ABHD17C: variants seen among roughly 807,000 people sequenced by gnomAD.
The protein encoded by ABHD17C is alpha/beta hydrolase domain-containing protein 17C.
ABHD17C carries 11 observed loss-of-function variants against 27.9 expected under a neutral mutation model. The observed-to-expected ratio is 0.39, with a 90% CI of 0.25 to 0.65. The LOEUF (loss-of-function observed/expected upper bound fraction) is 0.65. ABHD17C is among the 30% of genes least tolerant of loss of function. The pLI is 0.45. For synonymous variants in ABHD17C, 233 were observed against 209.1 expected (o/e 1.11, Z -0.98); for missense variants, 280 against 470.2 (o/e 0.60, Z 3.74).
chr15:80,737,136 A>T (rs933076764), intron 1 of ABHD17C, among the ~76,000 whole-genome samples: 1 of 152,208 alleles, frequency 6.6e-6, no homozygotes, highest in Non-Finnish European at 1.5e-5. Flanking sequence ...GGAGAGGCTG[A>T]GAGCAAAAAC....
At chr15:80,725,095 A>G (rs1313282559) in intron 1 of ABHD17C, among the ~76,000 whole-genome samples, 1 of 152,224 alleles carries the variant, frequency 6.6e-6, no homozygotes, top group African/African-American at 2.4e-5. Context: ...CAGTGTGCCT[A>G]ACCAACACGA....
At chr15:80,700,982 T>C (rs1413417236) in intron 1 of ABHD17C, among the ~76,000 whole-genome samples, 2 of 152,228 alleles carry the variant, frequency 1.3e-5, no homozygotes, top group African/African-American at 4.8e-5. Flanking sequence ...GTGTACTACG[T>C]ACTCTTGAAG....
intron 1 of ABHD17C, among the ~76,000 whole-genome samples, chr15:80,698,892 T>C (rs1035141267): frequency 2.0e-5 from 3 of 152,228 alleles, no homozygotes; most frequent in South Asian, 2.1e-4. Flanking sequence ...CCCAGGACAC[T>C]GATTGGAGAG....
intron 1 of ABHD17C, among the ~76,000 whole-genome samples, chr15:80,732,112 G>A (rs553686031): frequency 6.6e-6 from 1 of 152,350 alleles, no homozygotes; most frequent in Admixed American, 6.5e-5. Context: ...CTAAAGGAGG[G>A]GGTGGTGATA....
At chr15:80,718,958 C>G (rs938001193) in intron 1 of ABHD17C, among the ~76,000 whole-genome samples, 1 of 152,126 alleles carries the variant, frequency 6.6e-6, no homozygotes, top group East Asian at 1.9e-4. Flanking sequence ...GTAACTCCCT[C>G]TTCTATTTTT....
chr15:80,695,762 C>G lies in ABHD17C; in HGVS notation c.333C>G (p.Phe111Leu), dbSNP rs753801646. ...QRELDAVEVF[F>L]SRTARDNRLG... ...AGCTGGACGCCGTCGAGGTCTTCTT[C>G]TCGCGCACGGCCCGGGACAACCGGC... The change falls in exon 1 of 3, where the codon TTC becomes TTG. Residue 111 changes from phenylalanine to leucine, a missense_variant. Coordinates refer to ENST00000258884, the MANE Select transcript of ABHD17C (RefSeq NM_021214.2). This position sits in a 1 kb window ranked among gnomAD's most constrained non-coding sequence, Gnocchi z 4.3. 6.5e-7 allele frequency: 1 copy of G among 1,539,152 alleles called. No homozygotes were observed. The highest frequency in any genetic ancestry group is 1.2e-5 in the South Asian group (1 of 84,354).
At chr15:80,712,378 C>A (rs76754741) in intron 1 of ABHD17C, among the ~76,000 whole-genome samples, 5,250 of 152,286 alleles carry the variant, frequency 0.034, 299 homozygotes, top group African/African-American at 0.12. Context: ...TCAGCCCCAG[C>A]TTCCTGCTGA....
chr15:80,706,331 A>T (rs1596059916), intron 1 of ABHD17C, among the ~76,000 whole-genome samples: 1 of 152,338 alleles, frequency 6.6e-6, no homozygotes, highest in Non-Finnish European at 1.5e-5. Flanking sequence ...AGTCGAGGTC[A>T]TTCAGATTCA....
chr15:80,727,029 C>G (rs1369795559), intron 1 of ABHD17C, among the ~76,000 whole-genome samples: 1 of 152,134 alleles, frequency 6.6e-6, no homozygotes, highest in Non-Finnish European at 1.5e-5. Context: ...TCATATATAG[C>G]TGTATTCAAA....
intron 1 of ABHD17C, among the ~76,000 whole-genome samples, chr15:80,729,392 A>G (rs1233496427): frequency 6.6e-6 from 1 of 152,244 alleles, no homozygotes; most frequent in Non-Finnish European, 1.5e-5. Context: ...TATTTTGTTC[A>G]TATTGTTTCA....
chr15:80,721,191 G>A (rs532179996), intron 1 of ABHD17C, among the ~76,000 whole-genome samples: 1 of 142,376 alleles, frequency 7.0e-6, no homozygotes, highest in Non-Finnish European at 1.5e-5. Flanking sequence ...GTTAGATTTT[G>A]TGTTTACCCA....
chr15:80,727,389 G>T lies in ABHD17C; in HGVS notation c.591-22124G>T, dbSNP rs923027840. Among the ~76,000 whole-genome samples the T allele has an allele frequency of 3.3e-4, 50 of 152,152 alleles. 5 individuals are homozygous for T. Reference sequence around the variant, plus strand: ...GCAGGTGGAACCGCATAGCCCCATGGTGCTTCTGTTAAAGAATGTTGTGTG... The same window carrying T: ...GCAGGTGGAACCGCATAGCCCCATGTTGCTTCTGTTAAAGAATGTTGTGTG... On this transcript the variant is annotated intron_variant, in intron 1 of 2. Coordinates refer to ENST00000258884, the MANE Select transcript of ABHD17C (RefSeq NM_021214.2).
At position 80,726,980 on chromosome 15, in the gene ABHD17C, C is replaced by T. The variant is rs541125627; in HGVS notation, c.591-22533C>T. On this transcript the variant is annotated intron_variant, in intron 1 of 2. Transcript: ENST00000258884. The stretch of plus-strand genomic sequence containing the variant: ...GTCTGTTCCTTCTGTGTGTCTGTAG[C>T]TGCCTAGTGCTGGGAGTTGAAATAA... Among the ~76,000 whole-genome samples, 15 of 152,286 alleles carry T rather than the reference C, an allele frequency of 9.8e-5. No homozygotes were observed. In the South Asian group the frequency reaches 1.9e-3, roughly 19 times the overall value.
At chr15:80,720,320 T>G (rs1293125524) in intron 1 of ABHD17C, among the ~76,000 whole-genome samples, 1 of 152,064 alleles carries the variant, frequency 6.6e-6, no homozygotes, top group Non-Finnish European at 1.5e-5. Flanking sequence ...CAGTTTCTAC[T>G]TGTTCTTTCT....
chr15:80,696,240 C>G (rs1420046674), intron 1 of ABHD17C, among the ~76,000 whole-genome samples: 2 of 152,238 alleles, frequency 1.3e-5, no homozygotes, highest in Non-Finnish European at 2.9e-5. Context: ...TCCTGGAGAG[C>G]TCGGACTCAG....
intron 1 of ABHD17C, among the ~76,000 whole-genome samples, chr15:80,729,579 A>T (rs187406126): frequency 2.2e-4 from 33 of 152,306 alleles, no homozygotes; most frequent in Middle Eastern, 3.4e-3. Flanking sequence ...ACAGTTCTTG[A>T]CTACCTTTAA....
intron 1 of ABHD17C, among the ~76,000 whole-genome samples, chr15:80,740,832 T>TTG (rs766947496): frequency 6.6e-5 from 10 of 152,318 alleles, no homozygotes; most frequent in Admixed American, 2.6e-4. Flanking sequence ...TGAGACTCTG[T>TTG]TGTAAAGTGA....
chr15:80,748,486 T>C (rs1895321540), intron 1 of ABHD17C, among the ~76,000 whole-genome samples: 1 of 152,190 alleles, frequency 6.6e-6, no homozygotes, highest in Non-Finnish European at 1.5e-5. Flanking sequence ...AAATAGTAAC[T>C]CATGGATTTA....
At chr15:80,735,360 A>G (rs887231885) in intron 1 of ABHD17C, among the ~76,000 whole-genome samples, 16 of 152,086 alleles carry the variant, frequency 1.1e-4, no homozygotes, top group African/African-American at 3.9e-4. Context: ...CTCAACACTT[A>G]CCTATAGAAT....
Sources: gnomAD v4.1 joint callset for allele counts (sites outside exome capture counted in the v4.1 genomes callset) on GRCh38, gnomAD v4.1.1 for gene constraint, Gnocchi (gnomAD v3.1) non-coding constraint, MANE v1.5 for transcripts, NCBI Gene and HGNC (gene_info 2026-07-23, HGNC 2026-07-21) for gene names.